The following TSACC variants were observed in gnomAD, a reference collection of about 807,000 sequenced individuals.
TSACC encodes the protein TSSK6 activating cochaperone.
Under a neutral mutation model 6.9 loss-of-function variants are expected in TSACC, and 3 were observed. The observed-to-expected ratio is 0.43, with a 90% confidence interval of 0.20 to 1.12. The LOEUF (loss-of-function observed/expected upper bound fraction) is 1.12, where lower values mean the gene tolerates loss of function less well. Ranked by LOEUF, TSACC falls within the 50% of genes most tolerant of loss-of-function variation. The pLI, the probability that TSACC is intolerant of heterozygous loss-of-function variation, is 0.28. For missense variants in TSACC, 137 were observed against 143.9 expected, an observed-to-expected ratio of 0.95 and a Z score of 0.24; for synonymous variants, 54 against 55.1, an observed-to-expected ratio of 0.98 and a Z score of 0.09.
At chr1:156,341,740 A>G (rs754521094) in intron 2 of TSACC, among the ~76,000 whole-genome samples, 93 of 152,270 alleles carry the variant, frequency 6.1e-4, no homozygotes, top group Non-Finnish European at 1.2e-3. Context: ...AAATGTGTAA[A>G]GCATTCTTCA....
chr1:156,345,439 T>A (rs1438676564), intron 3 of TSACC, among the ~76,000 whole-genome samples: 1 of 151,998 alleles, frequency 6.6e-6, no homozygotes, highest in Non-Finnish European at 1.5e-5. Context: ...GGCAGGTGCC[T>A]GTAATCTCAG....
intron 2 of TSACC, among the ~76,000 whole-genome samples, chr1:156,343,400 T>C (rs1418358333): frequency 6.6e-6 from 1 of 152,234 alleles, no homozygotes; most frequent in Admixed American, 6.5e-5. Context: ...TGTATCCATC[T>C]GTCTCTCTCC....
chr1:156,344,475 C>T (rs1222597586), intron 2 of TSACC, 105 bp from the exon 3 acceptor site: 1 of 1,438,822 alleles, frequency 7.0e-7, no homozygotes, highest in African/African-American at 1.4e-5. Flanking sequence ...GTAACATATT[C>T]ACGGCAGGGC....
upstream of TSACC, chr1:156,338,510 G>A (rs1665576628): frequency 3.9e-6 from 2 of 506,758 alleles, no homozygotes; most frequent in South Asian, 2.5e-5. Context: ...GTCGGCGCAG[G>A]CGCCAAGGCT....
chr1:156,337,903 G>T, upstream of TSACC: 1 of 552,786 alleles, frequency 1.8e-6, no homozygotes, highest in South Asian at 2.4e-5. Context: ...CGCGGAGTGG[G>T]AAAGAGCTTC....
rs551040576 is a variant in TSACC, at chr1:156,340,809, A to G, written c.34+1018A>G. 8.5e-5 allele frequency among the ~76,000 whole-genome samples: 13 copies of G among 152,138 alleles called. 1 individual carries two copies. The highest frequency in any genetic ancestry group is 1.2e-4 in the African/African-American group (5 of 41,508). On this transcript the variant is annotated intron_variant, in intron 2 of 3. Transcript: ENST00000368254. ...GCTCTTTTCACAGAGTATATAGTGC[A>G]GTGGTAAAGAGCATGACTTTGGAGT... is the stretch of plus-strand genomic sequence containing the variant.
chr1:156,344,997 C>G lies in TSACC; in HGVS notation c.163+289C>G, dbSNP rs898743649. 1.6e-4 allele frequency among the ~76,000 whole-genome samples: 24 copies of G among 152,106 alleles called. 2 individuals are homozygous for G. The highest frequency in any genetic ancestry group is 1.4e-3 in the Admixed American group (21 of 15,256). On this transcript the variant is annotated intron_variant, in intron 3 of 3. Coordinates refer to ENST00000368254, the MANE Select transcript of TSACC (RefSeq NM_001304817.2). The stretch of plus-strand genomic sequence containing the variant: ...TTAGTTAAAAGATGGCCAGGTTTAC[C>G]CCTGTTCACTTGGGAAGGTAAAATT...
chr1:156,341,581 C>G (rs1228992579), intron 2 of TSACC, among the ~76,000 whole-genome samples: 1 of 152,120 alleles, frequency 6.6e-6, no homozygotes, highest in African/African-American at 2.4e-5. Context: ...ATTATCATAT[C>G]CTCTGTTCTG....
At chr1:156,341,428 C>T (rs1287536039) in intron 2 of TSACC, among the ~76,000 whole-genome samples, 1 of 152,176 alleles carries the variant, frequency 6.6e-6, no homozygotes, top group African/African-American at 2.4e-5. Context: ...TGCTTGATCA[C>T]CTAATGACTG....
Position 156,339,665 on chromosome 1 carries a change from C to T in TSACC, c.-93C>T, listed in dbSNP as rs1437914102. 12 of 1,542,622 alleles carry T rather than the reference C, an allele frequency of 7.8e-6. No homozygotes were observed. Among genetic ancestry groups the T allele is most frequent in the Middle Eastern group, 1.7e-4 (1 of 5,916 alleles). ...ACAGGCTGAGATCTGCTGGAGACAA[C>T]TTAGGAAATTATCATAGTGAAAATA... On this transcript the variant is annotated 5_prime_UTR_variant, in exon 2 of 4. Transcript: ENST00000368254.
chr1:156,339,081 T>C (rs981669713), intron 1 of TSACC, among the ~76,000 whole-genome samples: 1 of 152,028 alleles, frequency 6.6e-6, no homozygotes, highest in Non-Finnish European at 1.5e-5. Flanking sequence ...GTGGCCAACA[T>C]GGCGAAACCC....
At chr1:156,345,738 C>T (rs1468673444) in intron 3 of TSACC, among the ~76,000 whole-genome samples, 2 of 150,804 alleles carry the variant, frequency 1.3e-5, no homozygotes, top group Non-Finnish European at 3.0e-5. Context: ...CATGGTGGCA[C>T]CTGCCTGTAA....
chr1:156,338,125 G>C (rs190257333), upstream of TSACC: 1 of 1,575,014 alleles, frequency 6.3e-7, no homozygotes, highest in South Asian at 1.2e-5. Flanking sequence ...CGAAAAGGGG[G>C]TCCATTTCCT....
upstream of TSACC, chr1:156,338,465 T>A (rs995340517): frequency 5.6e-6 from 3 of 536,280 alleles, no homozygotes; most frequent in Non-Finnish European, 1.0e-5. Context: ...GCTTGCGCAG[T>A]AGGGTGGCCG....
intron 2 of TSACC, among the ~76,000 whole-genome samples, chr1:156,343,109 G>A (rs1419046505): frequency 6.6e-6 from 1 of 152,182 alleles, no homozygotes; most frequent in Non-Finnish European, 1.5e-5. Flanking sequence ...CTGCCTGGCA[G>A]TTTGACCTTT....
chr1:156,344,875 A>G (rs1382102569), intron 3 of TSACC, among the ~76,000 whole-genome samples, 167 bp downstream of exon 3: 1 of 152,220 alleles, frequency 6.6e-6, no homozygotes, highest in East Asian at 1.9e-4. Context: ...TATCATTATC[A>G]TCCCAGTTCT....
At chr1:156,337,805 A>G, upstream of TSACC, 1 of 359,786 alleles carries the variant, frequency 2.8e-6, no homozygotes, top group Non-Finnish European at 5.1e-6. Flanking sequence ...AAAAAAACAA[A>G]AAAAAACGTT....
rs1330756747 is a variant in TSACC, at chr1:156,343,736, TTG to T, written c.35-842_35-841del. On this transcript the variant is annotated intron_variant, in intron 2 of 3. Coordinates refer to ENST00000368254, the MANE Select transcript of TSACC (RefSeq NM_001304817.2). ...ATAGCCTGGCTTCTCAAGTTTTTTGTTGTTGTTGTTTCATTTTTTTTGAGAAG... is the reference window on the plus strand; with the variant it reads ...ATAGCCTGGCTTCTCAAGTTTTTTGTTTGTTGTTTCATTTTTTTTGAGAAG... Among the ~76,000 whole-genome samples the T allele has an allele frequency of 5.7e-4, 86 of 151,816 alleles. 1 individual carries two copies. The highest frequency in any genetic ancestry group is 1.9e-3 in the African/African-American group (80 of 41,376).
rs1401489559 is a variant in TSACC, at chr1:156,339,607, TAG to T, written c.-124-24_-124-23del. The T allele has an allele frequency of 4.2e-5, 37 of 880,268 alleles. 1 individual carries two copies. The highest frequency in any genetic ancestry group is 7.9e-5 in the Admixed American group (3 of 38,054). The allele number at this position is 880,268 out of a possible 1,614,324, so 54.5% of individuals were successfully genotyped here. ...AACAGTCACCTGTTTGGCCATGAAA[TAG>T]AGTTTCCTACTTTTTCCTCTGCAGA... On this transcript the variant is annotated intron_variant, in intron 1 of 3. Transcript: ENST00000368254.
Sources: gnomAD v4.1 joint callset for allele counts (sites outside exome capture counted in the v4.1 genomes callset) on GRCh38, gnomAD v4.1.1 for gene constraint, MANE v1.5 for transcripts, NCBI Gene and HGNC (gene_info 2026-07-23, HGNC 2026-07-21) for gene names.